The following SLC4A10 variants were observed in gnomAD, a reference collection of about 807,000 sequenced individuals.
The protein encoded by SLC4A10 is solute carrier family 4 member 10.
In SLC4A10, 42 loss-of-function variants were observed where a neutral mutation model predicts 137.7. That is an observed-to-expected ratio of 0.30 (90% CI 0.24 to 0.39). The LOEUF (loss-of-function observed/expected upper bound fraction) is 0.39, where lower values mean the gene tolerates loss of function less well. Among genes scored for constraint, SLC4A10 ranks in the 10% least tolerant of loss-of-function variants. SLC4A10 has a pLI of 1.00. For missense variants in SLC4A10, 925 were observed against 1,355.0 expected (o/e 0.68, Z 4.98); for synonymous variants, 474 against 464.1 (o/e 1.02, Z -0.27).
intron 24 of SLC4A10, among the ~76,000 whole-genome samples, chr2:161,975,569 G>T (rs1023449759): frequency 6.6e-6 from 1 of 152,090 alleles, no homozygotes; most frequent in African/African-American, 2.4e-5. Context: ...GAATTACCAG[G>T]AAACTATCTT....
chr2:161,694,003 T>C (rs1412612698), intron 1 of SLC4A10, among the ~76,000 whole-genome samples: 3 of 152,002 alleles, frequency 2.0e-5, no homozygotes, highest in Non-Finnish European at 2.9e-5. Context: ...CTTGGCACAT[T>C]CACAAAAGTG....
chr2:161,697,990 T>C (rs1036632733), intron 1 of SLC4A10, among the ~76,000 whole-genome samples: 6 of 152,228 alleles, frequency 3.9e-5, no homozygotes, highest in Admixed American at 1.3e-4. Context: ...CATTGAGCAG[T>C]GGTTTGTAGT....
chr2:161,628,114 T>C (rs986031936), intron 1 of SLC4A10, among the ~76,000 whole-genome samples: 1 of 152,152 alleles, frequency 6.6e-6, no homozygotes, highest in Non-Finnish European at 1.5e-5. Context: ...ATATTTAGGA[T>C]TGCATTATGA....
chr2:161,690,642 A>T (rs1026142941), intron 1 of SLC4A10, among the ~76,000 whole-genome samples: 3 of 152,204 alleles, frequency 2.0e-5, no homozygotes, highest in African/African-American at 7.2e-5. Context: ...TGCCCTTTGC[A>T]TGAACATGGA....
intron 11 of SLC4A10, among the ~76,000 whole-genome samples, chr2:161,898,768 A>G (rs1010304257): frequency 2.6e-5 from 4 of 152,074 alleles, no homozygotes; most frequent in African/African-American, 9.7e-5. Context: ...TGAGAATCCA[A>G]CACTTTACTC....
chr2:161,972,595 T>A (rs1183812838), intron 23 of SLC4A10, among the ~76,000 whole-genome samples: 3 of 152,120 alleles, frequency 2.0e-5, no homozygotes, highest in African/African-American at 7.2e-5. Context: ...ATTTTTTCCT[T>A]GAAGAACAGC....
At chr2:161,759,408 C>A (rs1023463143) in intron 1 of SLC4A10, among the ~76,000 whole-genome samples, 1 of 151,898 alleles carries the variant, frequency 6.6e-6, no homozygotes, top group African/African-American at 2.4e-5. Flanking sequence ...AGTCATCATG[C>A]TCCACATTAG....
intron 26 of SLC4A10, among the ~76,000 whole-genome samples, chr2:161,981,270 A>T (rs922728820): frequency 1.3e-5 from 2 of 152,242 alleles, no homozygotes; most frequent in Non-Finnish European, 2.9e-5. Context: ...CAGTAATTGC[A>T]CATGTGTAGA....
chr2:161,635,278 TGA>T (rs1260874931), intron 1 of SLC4A10, among the ~76,000 whole-genome samples: 1 of 152,076 alleles, frequency 6.6e-6, no homozygotes, highest in Non-Finnish European at 1.5e-5. Flanking sequence ...CCTTGTTTGA[TGA>T]GAGGAATGTG....
intron 1 of SLC4A10, among the ~76,000 whole-genome samples, chr2:161,657,946 C>A (rs1391280750): frequency 6.6e-6 from 1 of 151,880 alleles, no homozygotes; most frequent in African/African-American, 2.4e-5. Flanking sequence ...TATAATAGGC[C>A]AATACACAAT....
At chr2:161,974,033 A>G (rs1698989157) in intron 23 of SLC4A10, among the ~76,000 whole-genome samples, 1 of 152,232 alleles carries the variant, frequency 6.6e-6, no homozygotes, top group Non-Finnish European at 1.5e-5. Flanking sequence ...TGTTGTTAGC[A>G]TTTAAATTAC....
chr2:161,921,730 C>T (rs1002826005), intron 15 of SLC4A10, among the ~76,000 whole-genome samples: 6 of 152,188 alleles, frequency 3.9e-5, no homozygotes, highest in Non-Finnish European at 8.8e-5. Context: ...GTTAAATAAT[C>T]TTCTCAATAT....
intron 1 of SLC4A10, among the ~76,000 whole-genome samples, chr2:161,672,554 C>T (rs1178421206): frequency 6.6e-6 from 1 of 151,558 alleles, no homozygotes; most frequent in African/African-American, 2.4e-5. Context: ...TTCTGATTGA[C>T]TGAATTATAT....
At chr2:161,932,703 T>G (rs1178122189) in intron 15 of SLC4A10, among the ~76,000 whole-genome samples, 5 of 152,280 alleles carry the variant, frequency 3.3e-5, no homozygotes, top group Admixed American at 6.5e-5. Context: ...CCTACTTATC[T>G]TTGGAAAAAT....
chr2:161,630,967 C>T (rs922855595), intron 1 of SLC4A10, among the ~76,000 whole-genome samples: 2 of 151,744 alleles, frequency 1.3e-5, no homozygotes, highest in Admixed American at 6.6e-5. Flanking sequence ...CATTATAAAA[C>T]GAGCTTTCAC....
chr2:161,880,616 G>A (rs1417719457), intron 9 of SLC4A10, among the ~76,000 whole-genome samples: 1 of 152,134 alleles, frequency 6.6e-6, no homozygotes, highest in Non-Finnish European at 1.5e-5. Flanking sequence ...GATGAACTGA[G>A]CACATTAAAG....
chr2:161,722,563 C>T (rs962005170), intron 1 of SLC4A10, among the ~76,000 whole-genome samples: 2 of 152,154 alleles, frequency 1.3e-5, no homozygotes, highest in Non-Finnish European at 1.5e-5. Context: ...AGCTCTGTCC[C>T]AGAGGAGCAC....
chr2:161,837,699 A>C (rs2058904290), intron 3 of SLC4A10, among the ~76,000 whole-genome samples: 1 of 152,180 alleles, frequency 6.6e-6, no homozygotes, highest in African/African-American at 2.4e-5. Context: ...AATTACTCTA[A>C]AGCTATAGTA....
chr2:161,691,159 C>G (rs2041953165), intron 1 of SLC4A10, among the ~76,000 whole-genome samples: 1 of 151,870 alleles, frequency 6.6e-6, no homozygotes, highest in Non-Finnish European at 1.5e-5. Flanking sequence ...TCAAGAAAAT[C>G]AAAAGCTCAT....
Sources: gnomAD v4.1 joint callset for allele counts (sites outside exome capture counted in the v4.1 genomes callset) on GRCh38, gnomAD v4.1.1 for gene constraint, MANE v1.5 for transcripts, NCBI Gene and HGNC (gene_info 2026-07-23, HGNC 2026-07-21) for gene names.